LINGO1: variants seen among roughly 807,000 people sequenced by gnomAD.
LINGO1 encodes the protein leucine rich repeat and Ig domain containing 1.
In LINGO1, 11 loss-of-function variants were observed where a neutral mutation model predicts 37.3. The ratio of observed to expected loss-of-function variants is 0.29; its 90% CI spans 0.19 to 0.49. LINGO1 has a LOEUF of 0.49. Among genes scored for constraint, LINGO1 ranks in the 20% least tolerant of loss-of-function variants. LINGO1 has a pLI of 0.99. For synonymous variants in LINGO1, 387 were observed against 403.0 expected (o/e 0.96, Z 0.48); for missense variants, 585 against 878.2 (o/e 0.67, Z 4.22).
rs567178768 is a variant in LINGO1, at chr15:77,793,665, C to T, written c.-343+2274G>A. 1.6e-4 allele frequency among the ~76,000 whole-genome samples: 24 copies of T among 152,304 alleles called. 1 individual carries two copies. The highest frequency in any genetic ancestry group is 6.8e-3 in the Middle Eastern group (2 of 294). On this transcript the variant is annotated intron_variant, in intron 2 of 5. Coordinates refer to the LINGO1 transcript ENST00000562933. ...AATACACAACAGAGAATTGGCTAAA[C>T]GCACTATGGTACACGCAGGCTGAAA...
chr15:77,621,058 C>CT (rs72415268), intron 1 of LINGO1, among the ~76,000 whole-genome samples: 10 of 148,490 alleles, frequency 6.7e-5, no homozygotes, highest in Admixed American at 3.3e-4. Flanking sequence ...GGTTTGGGGC[C>CT]TTTTTTTTTT....
At chr15:77,792,420 G>T (rs1322100605) in intron 2 of LINGO1, among the ~76,000 whole-genome samples, 1 of 152,132 alleles carries the variant, frequency 6.6e-6, no homozygotes, top group Non-Finnish European at 1.5e-5. Flanking sequence ...TGTAACTCCT[G>T]GCCCTGCATG....
chr15:77,815,580 C>T (rs1319502600), intron 1 of LINGO1, among the ~76,000 whole-genome samples: 1 of 152,194 alleles, frequency 6.6e-6, no homozygotes, highest in East Asian at 1.9e-4. Context: ...GCCTCAGCGG[C>T]TTACTGAAGT....
chr15:77,729,421 T>A (rs1319160889), intron 2 of LINGO1, among the ~76,000 whole-genome samples: 1 of 152,164 alleles, frequency 6.6e-6, no homozygotes. Context: ...AGACCCAGCT[T>A]AACCCTTGCT....
At chr15:77,645,188 G>T (rs987659025) in intron 3 of LINGO1, among the ~76,000 whole-genome samples, 1 of 152,194 alleles carries the variant, frequency 6.6e-6, no homozygotes, top group African/African-American at 2.4e-5. Context: ...CTCAGAACGG[G>T]CGGTGCAGGG....
At chr15:77,804,389 CT>C (rs915795611) in intron 1 of LINGO1, among the ~76,000 whole-genome samples, 1 of 152,138 alleles carries the variant, frequency 6.6e-6, no homozygotes, top group Non-Finnish European at 1.5e-5. Flanking sequence ...GCCAAGATCC[CT>C]GTGTGAGTCC....
intron 1 of LINGO1, among the ~76,000 whole-genome samples, chr15:77,745,107 G>A (rs1318464804): frequency 1.6e-5 from 2 of 123,510 alleles, no homozygotes; most frequent in Non-Finnish European, 3.3e-5. Flanking sequence ...GTCTGGGCGA[G>A]AGAGCAAGAC....
intron 2 of LINGO1, among the ~76,000 whole-genome samples, chr15:77,712,031 G>T (rs2075924508): frequency 6.6e-6 from 1 of 152,142 alleles, no homozygotes; most frequent in Non-Finnish European, 1.5e-5. Context: ...CTAAGAGGTG[G>T]CTGTGCCTCC....
At chr15:77,758,871 G>A (rs2076446943) in intron 1 of LINGO1, among the ~76,000 whole-genome samples, 1 of 151,438 alleles carries the variant, frequency 6.6e-6, no homozygotes. Flanking sequence ...AGAAGCGGGG[G>A]GAGGAAAATA....
chr15:77,684,865 C>T (rs2141236064), intron 2 of LINGO1, among the ~76,000 whole-genome samples: 1 of 152,266 alleles, frequency 6.6e-6, no homozygotes, highest in South Asian at 2.1e-4. Context: ...CATGCAGCTG[C>T]CAAGTCAGAC....
upstream of LINGO1, among the ~76,000 whole-genome samples, chr15:77,638,455 A>G (rs1250603286): frequency 1.3e-5 from 2 of 152,228 alleles, no homozygotes; most frequent in Non-Finnish European, 2.9e-5. Context: ...CTCCATGGGA[A>G]CTTGGGCTCT....
intron 1 of LINGO1, among the ~76,000 whole-genome samples, chr15:77,772,397 T>C (rs2076594652): frequency 6.6e-6 from 1 of 151,898 alleles, no homozygotes; most frequent in Non-Finnish European, 1.5e-5. Context: ...AAGAGGAGGG[T>C]GCAAGCACTG....
At chr15:77,800,542 G>A (rs544327706) in intron 1 of LINGO1, among the ~76,000 whole-genome samples, 1 of 152,348 alleles carries the variant, frequency 6.6e-6, no homozygotes, top group African/African-American at 2.4e-5. Context: ...GCCTGCAGCT[G>A]CCGAGAGGAA....
In LINGO1 at chr15:77,644,518, G is replaced by A. The variant is rs1056117906; in HGVS notation, c.-12-28618C>T. Among the ~76,000 whole-genome samples the A allele has an allele frequency of 4.6e-5, 7 of 152,200 alleles. No individual in the cohort carries two copies. In the East Asian group the frequency reaches 1.3e-3, roughly 29 times the overall value. On this transcript the variant is annotated intron_variant, in intron 3 of 3. Coordinates refer to the LINGO1 transcript ENST00000559893. ...CACCCTGTGGTATTTCCGTCACCTG[G>A]GAAATAAGGATGGCATTGGTGGAGG...
chr15:77,698,252 T>C (rs567308873), upstream of LINGO1, among the ~76,000 whole-genome samples: 77 of 152,276 alleles, frequency 5.1e-4, no homozygotes, highest in African/African-American at 1.8e-3. Flanking sequence ...CCAAACAGCA[T>C]CTTTAACTCT....
At chr15:77,757,251 T>TG (rs1391452661) in intron 1 of LINGO1, among the ~76,000 whole-genome samples, 4 of 152,234 alleles carry the variant, frequency 2.6e-5, no homozygotes. Context: ...TGGGTTTTCT[T>TG]GGGCAGTCTG....
intron 3 of LINGO1, among the ~76,000 whole-genome samples, chr15:77,664,170 T>TGTGCGCGCGCGCGCGCGC: frequency 3.1e-5 from 4 of 130,946 alleles, no homozygotes; most frequent in African/African-American, 1.5e-4. Flanking sequence ...TGTGTGTGTG[T>TGTGCGCGCGCGCGCGCGC]GCGCGCGCGC....
chr15:77,790,550 T>C (rs140815506), upstream of LINGO1, among the ~76,000 whole-genome samples: 3 of 151,970 alleles, frequency 2.0e-5, no homozygotes, highest in East Asian at 5.8e-4. Flanking sequence ...CACTGCTCCA[T>C]GAGTTCTCTT....
upstream of LINGO1, among the ~76,000 whole-genome samples, chr15:77,635,835 C>T (rs2074386526): frequency 6.6e-6 from 1 of 151,358 alleles, no homozygotes; most frequent in African/African-American, 2.5e-5. Flanking sequence ...GGTGGGCACA[C>T]AGCAGACCCT....
Sources: allele counts gnomAD v4.1 joint callset (sites outside exome capture counted in the v4.1 genomes callset), GRCh38; gene constraint gnomAD v4.1.1; transcripts MANE v1.5; gene names NCBI Gene and HGNC (gene_info 2026-07-23, HGNC 2026-07-21).